MRGPRE: variants seen among roughly 807,000 people sequenced by gnomAD.
The protein encoded by MRGPRE is MAS related GPR family member E.
For synonymous variants in MRGPRE, 229 were observed against 206.7 expected, an observed-to-expected ratio of 1.11 and a Z score of -0.92; for missense variants, 466 against 433.4, an observed-to-expected ratio of 1.08 and a Z score of -0.67.
Position 3,227,737 on chromosome 11 carries a change from A to T in MRGPRE, c.*124T>A. ...CCAAGGGTCACAACTTTGACAGCACATGACCGGGTCACCCACCAAGGCCTC... is the reference window on the plus strand; with the variant it reads ...CCAAGGGTCACAACTTTGACAGCACTTGACCGGGTCACCCACCAAGGCCTC... On this transcript the variant is annotated 3_prime_UTR_variant, in exon 2 of 2. Transcript: ENST00000389832. 2.7e-6 allele frequency: 2 copies of T among 751,346 alleles called. No homozygotes were observed. Among genetic ancestry groups the T allele is most frequent in the Non-Finnish European group, 4.0e-6 (2 of 494,680 alleles). The allele number at this position is 751,346 out of a possible 1,614,324, so 46.5% of individuals were successfully genotyped here. A position where few individuals can be genotyped will look rare whatever the true frequency, so the allele number is the denominator to read the frequency against.
In MRGPRE at chr11:3,229,131, C is replaced by A. The variant is rs1463241656; in HGVS notation, c.-61-271G>T. Among the ~76,000 whole-genome samples the A allele has an allele frequency of 6.7e-6, 1 of 150,330 alleles. No homozygotes were observed. Among genetic ancestry groups the A allele is most frequent in the Non-Finnish European group, 1.5e-5 (1 of 67,828 alleles). ...CTGGTCCCTGTAGGCCAGGTGGGGGCAGGGACCAGGAGATGTGGGGAGAGG... is the reference window on the plus strand; with the variant it reads ...CTGGTCCCTGTAGGCCAGGTGGGGGAAGGGACCAGGAGATGTGGGGAGAGG... On this transcript the variant is annotated intron_variant, in intron 1 of 1. Coordinates refer to ENST00000389832, the MANE Select transcript of MRGPRE (RefSeq NM_001039165.4). The surrounding 1 kb of genome is among the most constrained non-coding windows in gnomAD (Gnocchi z 4.4).
In MRGPRE at chr11:3,231,250, G is replaced by A. The variant is rs895144848; in HGVS notation, c.-62+891C>T. Among the ~76,000 whole-genome samples the A allele has an allele frequency of 2.0e-5, 3 of 152,074 alleles. No homozygotes were observed. Among genetic ancestry groups the A allele is most frequent in the Admixed American group, 6.5e-5 (1 of 15,282 alleles). On this transcript the variant is annotated intron_variant, in intron 1 of 1. Coordinates refer to ENST00000389832, the MANE Select transcript of MRGPRE (RefSeq NM_001039165.4). The surrounding 1 kb of genome is among the most constrained non-coding windows in gnomAD (Gnocchi z 4.7). ...CAGGGAGAGAGCATGGCAGGGAAGC[G>A]ATGGACATAGAGGGAGAGGGGAGAG...
rs1001992092 is a variant in MRGPRE at position 3,225,530 on chromosome 11, G to A, written c.*2331C>T. Among the ~76,000 whole-genome samples, 2 of 152,150 alleles carry A rather than the reference G, an allele frequency of 1.3e-5. No individual in the cohort carries two copies. The highest frequency in any genetic ancestry group is 6.5e-5 in the Admixed American group (1 of 15,284). ...CTGGGGGCAGAAGAGGAGGTGCAGCGGGGGAGGTCAGAGGAGGCGCAGGCT... is the reference window on the plus strand; with the variant it reads ...CTGGGGGCAGAAGAGGAGGTGCAGCAGGGGAGGTCAGAGGAGGCGCAGGCT... On this transcript the variant is annotated 3_prime_UTR_variant, in exon 2 of 2. Transcript: ENST00000389832.
Position 3,230,203 on chromosome 11 carries a change from G to T in MRGPRE, c.-61-1343C>A, listed in dbSNP as rs1252119348. Among the ~76,000 whole-genome samples the T allele has an allele frequency of 6.6e-6, 1 of 152,058 alleles. No homozygotes were observed. The highest frequency in any genetic ancestry group is 2.4e-5 in the African/African-American group (1 of 41,406). On this transcript the variant is annotated intron_variant, in intron 1 of 1. Transcript: ENST00000389832. This position sits in a 1 kb window ranked among gnomAD's most constrained non-coding sequence, Gnocchi z 5.5. ...CCAGCTTCTCCTCTTGGGGTTGGGG[G>T]AGAGGGGATGGGGCCTTGCCTCTCC... is the stretch of plus-strand genomic sequence containing the variant.
rs78483467 is a variant in MRGPRE at position 3,230,455 on chromosome 11, C to T, written c.-61-1595G>A. Among the ~76,000 whole-genome samples the T allele has an allele frequency of 0.033, 5,010 of 152,270 alleles. 194 individuals carry two copies. The highest frequency in any genetic ancestry group is 0.11 in the Admixed American group (1,611 of 15,306). On this transcript the variant is annotated intron_variant, in intron 1 of 1. Coordinates refer to ENST00000389832, the MANE Select transcript of MRGPRE (RefSeq NM_001039165.4). The surrounding 1 kb of genome is among the most constrained non-coding windows in gnomAD (Gnocchi z 5.5). ...GAGCACCCGAGACCATGCAGGGGGA[C>T]GCTGCGGTGCTGGGATGCTGGGGAG...
rs1341240709 is a variant in MRGPRE at position 3,231,922 on chromosome 11, T to C, written c.-62+219A>G. 6.6e-6 allele frequency among the ~76,000 whole-genome samples: 1 copy of C among 152,028 alleles called. No individual in the cohort carries two copies. The highest frequency in any genetic ancestry group is 1.5e-5 in the Non-Finnish European group (1 of 67,964). On this transcript the variant is annotated intron_variant, in intron 1 of 1. Transcript: ENST00000389832. The surrounding 1 kb of genome is among the most constrained non-coding windows in gnomAD (Gnocchi z 4.7). ...GGTTGGGGAGCCATCACCCAAGCTA[T>C]CGTCCTCTTCCAGACTCAGCCCAGG...
At position 3,228,428 on chromosome 11, in the gene MRGPRE, G is replaced by A. The variant is rs371522732; in HGVS notation, c.372C>T (p.Ala124=). 58 of 1,609,766 alleles carry A rather than the reference G, an allele frequency of 3.6e-5. No individual in the cohort carries two copies. In the East Asian group the frequency reaches 4.0e-4, roughly 11 times the overall value. Reference sequence around the variant, plus strand: ...ACGAGTACCAGGCTGGGAAGAGGGCGGCCAGGCACTGCTCCACGCTGACGG... The same window carrying A: ...ACGAGTACCAGGCTGGGAAGAGGGCAGCCAGGCACTGCTCCACGCTGACGG... ...LAAVSVEQCL[A]ALFPAWYSCR... Residue 124 remains alanine, a synonymous_variant, in exon 2 of 2, where the codon GCC becomes GCT. Coordinates refer to ENST00000389832, the MANE Select transcript of MRGPRE (RefSeq NM_001039165.4).
Position 3,228,821 on chromosome 11 carries a change from C to A in MRGPRE, c.-22G>T. On this transcript the variant is annotated 5_prime_UTR_variant, in exon 2 of 2. Coordinates refer to ENST00000389832, the MANE Select transcript of MRGPRE (RefSeq NM_001039165.4). ...TCATGGGGCGGGGGGCCAGGGGATG[C>A]TGCAGGAGTGTGTTCTGCTCGCTCT... The A allele has an allele frequency of 6.3e-7, 1 of 1,578,140 alleles. No homozygotes were observed. Among genetic ancestry groups the A allele is most frequent in the Non-Finnish European group, 8.6e-7 (1 of 1,157,952 alleles).
Position 3,228,110 on chromosome 11 carries a change from G to A in MRGPRE, c.690C>T (p.Gly230=), listed in dbSNP as rs1399302127. The A allele has an allele frequency of 1.3e-6, 2 of 1,596,540 alleles. No individual in the cohort carries two copies. Among genetic ancestry groups the A allele is most frequent in the Non-Finnish European group, 1.7e-6 (2 of 1,172,004 alleles). Residue 230 remains glycine, a synonymous_variant, in exon 2 of 2, where the codon GGC becomes GGT. Transcript: ENST00000389832. The part of the protein sequence containing the change: ...LLTVLLFLFC[G]LPFGIYWLSR... The stretch of plus-strand genomic sequence containing the variant: ...ACAGCCAGTAGATGCCGAAGGGCAG[G>A]CCGCAGAAGAGGAAGAGGAGGACGG...
In MRGPRE at chr11:3,228,772, G is replaced by A; in HGVS notation, c.28C>T (p.His10Tyr). 1 of 1,610,756 alleles carries A rather than the reference G, an allele frequency of 6.2e-7. No homozygotes were observed. Among genetic ancestry groups the A allele is most frequent in the East Asian group, 2.2e-5 (1 of 44,778 alleles). Residue 10 changes from histidine (H) to tyrosine (Y), a missense_variant, in exon 2 of 2, where the codon CAC becomes TAC. By Grantham distance (83) the His-to-Tyr change is moderately conservative (BLOSUM62 2). Coordinates refer to ENST00000389832, the MANE Select transcript of MRGPRE (RefSeq NM_001039165.4). ...TGGGCGCCGTTGGCGGCCCCCACGTGCTGTCCAGCTTCTCTGGGCTCCATC... is the reference window on the plus strand; with the variant it reads ...TGGGCGCCGTTGGCGGCCCCCACGTACTGTCCAGCTTCTCTGGGCTCCATC... MMEPREAGQ[H>Y]VGAANGAQED... is the part of the protein sequence containing the mutation.
chr11:3,227,432 A>T lies in MRGPRE; in HGVS notation c.*429T>A, dbSNP rs1021553114. Among the ~76,000 whole-genome samples the T allele has an allele frequency of 9.2e-5, 14 of 152,114 alleles. No homozygotes were observed. Among genetic ancestry groups the T allele is most frequent in the African/African-American group, 3.4e-4 (14 of 41,416 alleles). On this transcript the variant is annotated 3_prime_UTR_variant, in exon 2 of 2. Transcript: ENST00000389832. ...ATCTGTGGGTGCACCTGCAGCATTG[A>T]GGAAGCTGGAGTGGGAGGGGAGGTG...
Position 3,228,838 on chromosome 11 carries a change from G to C in MRGPRE, c.-39C>G. ...AGGGGATGCTGCAGGAGTGTGTTCTGCTCGCTCTCTCTCCTGATGCCCCTG... is the reference window on the plus strand; with the variant it reads ...AGGGGATGCTGCAGGAGTGTGTTCTCCTCGCTCTCTCTCCTGATGCCCCTG... On this transcript the variant is annotated 5_prime_UTR_variant, in exon 2 of 2. Coordinates refer to ENST00000389832, the MANE Select transcript of MRGPRE (RefSeq NM_001039165.4). 6.6e-7 allele frequency: 1 copy of C among 1,512,964 alleles called. No homozygotes were observed. The highest frequency in any genetic ancestry group is 9.0e-7 in the Non-Finnish European group (1 of 1,113,096). 93.7% of individuals were successfully genotyped at this position (1,512,964 alleles called of 1,614,324 possible).
At position 3,226,361 on chromosome 11, in the gene MRGPRE, G is replaced by A. The variant is rs1847760347; in HGVS notation, c.*1500C>T. 2 of 152,330 alleles carry A rather than the reference G, an allele frequency of 1.3e-5. No individual in the cohort carries two copies. Among genetic ancestry groups the A allele is most frequent in the Non-Finnish European group, 2.9e-5 (2 of 68,104 alleles). The allele number at this position is 152,330 out of a possible 1,614,324, so 9.4% of individuals were successfully genotyped here. On this transcript the variant is annotated 3_prime_UTR_variant, in exon 2 of 2. Transcript: ENST00000389832. ...ATCACGTCCTGGAGGTGGGGAGAGA[G>A]GGCCCTGTGCAGATCCTGGGCTGGA...
Position 3,225,813 on chromosome 11 carries a change from G to A in MRGPRE, c.*2048C>T, listed in dbSNP as rs1248652585. On this transcript the variant is annotated 3_prime_UTR_variant, in exon 2 of 2. Transcript: ENST00000389832. ...TGAGGCCACATTTCCCGGACTCCTC[G>A]AGAAGGGGCTAATAAGGAGGAATCT... is the stretch of plus-strand genomic sequence containing the variant. Among the ~76,000 whole-genome samples, 1 of 152,200 alleles carries A rather than the reference G, an allele frequency of 6.6e-6. No homozygotes were observed. Among genetic ancestry groups the A allele is most frequent in the African/African-American group, 2.4e-5 (1 of 41,448 alleles).
In MRGPRE at chr11:3,228,837, TGCTC is replaced by T; in HGVS notation, c.-42_-39del. 1 of 1,520,188 alleles carries T rather than the reference TGCTC, an allele frequency of 6.6e-7. No individual in the cohort carries two copies. Among genetic ancestry groups the T allele is most frequent in the Non-Finnish European group, 8.9e-7 (1 of 1,118,744 alleles). 94.2% of individuals were successfully genotyped at this position (1,520,188 alleles called of 1,614,324 possible). On this transcript the variant is annotated 5_prime_UTR_variant, in exon 2 of 2. Coordinates refer to ENST00000389832, the MANE Select transcript of MRGPRE (RefSeq NM_001039165.4). ...CAGGGGATGCTGCAGGAGTGTGTTC[TGCTC>T]GCTCTCTCTCCTGATGCCCCTGTAA... is the stretch of plus-strand genomic sequence containing the variant.
In MRGPRE at chr11:3,228,448, T is replaced by G. The variant is rs766546646; in HGVS notation, c.352A>C (p.Ser118Arg). The G allele has an allele frequency of 1.2e-6, 2 of 1,611,896 alleles. No individual in the cohort carries two copies. Among genetic ancestry groups the G allele is most frequent in the South Asian group, 2.2e-5 (2 of 91,068 alleles). The change falls in exon 2 of 2, where the codon AGC becomes CGC. Residue 118 changes from serine (S) to arginine (R), a missense_variant. Physicochemically the swap from Ser to Arg is moderately radical, Grantham distance 110 (BLOSUM62 -1). Coordinates refer to ENST00000389832, the MANE Select transcript of MRGPRE (RefSeq NM_001039165.4). ...IVGLSLLAAV[S>R]VEQCLAALFP... ...AGGGCGGCCAGGCACTGCTCCACGC[T>G]GACGGCCGCCAGGAGACTCAGGCCC... is the stretch of plus-strand genomic sequence containing the variant.
chr11:3,227,832 G>A lies in MRGPRE; in HGVS notation c.*29C>T, dbSNP rs202198102. ...CAAGTCACCCTCTTGCCTCACGGGG[G>A]CTGCAGCTGGGGTCGGGGGCCCCAG... On this transcript the variant is annotated 3_prime_UTR_variant, in exon 2 of 2. Coordinates refer to ENST00000389832, the MANE Select transcript of MRGPRE (RefSeq NM_001039165.4). 1.0e-4 allele frequency: 144 copies of A among 1,424,004 alleles called. No individual in the cohort carries two copies. Among genetic ancestry groups the A allele is most frequent in the Non-Finnish European group, 1.3e-4 (143 of 1,087,712 alleles). 88.2% of individuals were successfully genotyped at this position (1,424,004 alleles called of 1,614,324 possible).
chr11:3,229,146 G>A lies in MRGPRE; in HGVS notation c.-61-286C>T, dbSNP rs1163534584. On this transcript the variant is annotated intron_variant, in intron 1 of 1. Coordinates refer to ENST00000389832, the MANE Select transcript of MRGPRE (RefSeq NM_001039165.4). This position sits in a 1 kb window ranked among gnomAD's most constrained non-coding sequence, Gnocchi z 4.4. ...CAGGTGGGGGCAGGGACCAGGAGAT[G>A]TGGGGAGAGGGTCTGAGACCCATGG... is the stretch of plus-strand genomic sequence containing the variant. Among the ~76,000 whole-genome samples, 1 of 151,614 alleles carries A rather than the reference G, an allele frequency of 6.6e-6. No individual in the cohort carries two copies. Among genetic ancestry groups the A allele is most frequent in the Non-Finnish European group, 1.5e-5 (1 of 67,902 alleles).
rs1488742284 is a variant in MRGPRE at position 3,227,595 on chromosome 11, G to A, written c.*266C>T. 4 of 409,938 alleles carry A rather than the reference G, an allele frequency of 9.8e-6. No homozygotes were observed. Among genetic ancestry groups the A allele is most frequent in the African/African-American group, 8.1e-5 (4 of 49,176 alleles). The allele number at this position is 409,938 out of a possible 1,614,324, so 25.4% of individuals were successfully genotyped here. On this transcript the variant is annotated 3_prime_UTR_variant, in exon 2 of 2. Coordinates refer to ENST00000389832, the MANE Select transcript of MRGPRE (RefSeq NM_001039165.4). ...GAGTGCCAGTGCGTGAACCGTTGGGGAGGTTTCCCAAAAATGCACGTTCCT... is the reference window on the plus strand; with the variant it reads ...GAGTGCCAGTGCGTGAACCGTTGGGAAGGTTTCCCAAAAATGCACGTTCCT...
Sources: allele counts gnomAD v4.1 joint callset (sites outside exome capture counted in the v4.1 genomes callset), GRCh38; gene constraint gnomAD v4.1.1; non-coding constraint Gnocchi (gnomAD v3.1); transcripts MANE v1.5; gene names NCBI Gene and HGNC (gene_info 2026-07-23, HGNC 2026-07-21).